The following EYS variants were observed in gnomAD, a reference collection of about 807,000 sequenced individuals.
EYS encodes the protein protein eyes shut homolog.
A neutral mutation model predicts 282.1 loss-of-function variants in EYS; 250 were observed. That is an observed-to-expected ratio of 0.89 (90% CI 0.80 to 0.98). The LOEUF is 0.98. Ranked by LOEUF, EYS falls within the 50% of genes least tolerant of loss-of-function variation. EYS has a pLI of 0.00. For missense variants in EYS, 4,016 were observed against 3,709.0 expected, an observed-to-expected ratio of 1.08 and a Z score of -2.15; for synonymous variants, 1,355 against 1,282.9, an observed-to-expected ratio of 1.06 and a Z score of -1.20.
chr6:65,309,218 G>A (rs931186000), intron 11 of EYS, among the ~76,000 whole-genome samples: 25 of 152,210 alleles, frequency 1.6e-4, no homozygotes, highest in East Asian at 3.9e-4. Flanking sequence ...ACAGTTTTGC[G>A]TGTAGGGAAA....
chr6:65,530,176 C>A (rs1399659423), intron 2 of EYS, among the ~76,000 whole-genome samples: 1 of 151,964 alleles, frequency 6.6e-6, no homozygotes, highest in African/African-American at 2.4e-5. Flanking sequence ...GTGAGCTTAC[C>A]ATTTGTCAGT....
At chr6:63,874,634 A>C (rs952665256) in intron 35 of EYS, among the ~76,000 whole-genome samples, 1 of 151,098 alleles carries the variant, frequency 6.6e-6, no homozygotes, top group East Asian at 2.0e-4. Context: ...ATGAGCATGG[A>C]ATGTTCTTCC....
At chr6:65,644,893 A>C (rs1212853076) in intron 1 of EYS, among the ~76,000 whole-genome samples, 1 of 152,198 alleles carries the variant, frequency 6.6e-6, no homozygotes, top group East Asian at 1.9e-4. Flanking sequence ...CCAAGCCAGC[A>C]CTACAAGAAC....
intron 1 of EYS, among the ~76,000 whole-genome samples, chr6:65,691,853 T>A (rs1263664274): frequency 6.6e-6 from 1 of 150,408 alleles, no homozygotes; most frequent in African/African-American, 2.4e-5. Context: ...TTTTCCCATT[T>A]CTTGTTTTTG....
intron 29 of EYS, among the ~76,000 whole-genome samples, chr6:64,370,060 T>C (rs1406743524): frequency 6.6e-6 from 1 of 151,968 alleles, no homozygotes; most frequent in African/African-American, 2.4e-5. Context: ...GGAATTCCAG[T>C]ACTACTGAAT....
At chr6:65,011,119 C>G (rs1191581442) in intron 13 of EYS, among the ~76,000 whole-genome samples, 2 of 152,322 alleles carry the variant, frequency 1.3e-5, no homozygotes, top group Non-Finnish European at 2.9e-5. Flanking sequence ...GTTTTCTCCC[C>G]TCAGGATGGC....
chr6:64,169,643 T>C (rs1764416893), intron 31 of EYS, among the ~76,000 whole-genome samples: 1 of 152,096 alleles, frequency 6.6e-6, no homozygotes, highest in Admixed American at 6.5e-5. Flanking sequence ...TTACTTCTCA[T>C]GGCAAAAGCC....
intron 12 of EYS, among the ~76,000 whole-genome samples, chr6:65,148,966 C>T (rs1245229332): frequency 1.3e-5 from 2 of 152,044 alleles, no homozygotes; most frequent in African/African-American, 2.4e-5. Flanking sequence ...GGAACCATGT[C>T]CTGAGGCTGC....
intron 22 of EYS, among the ~76,000 whole-genome samples, chr6:64,633,697 ACT>A (rs1767872732): frequency 6.6e-6 from 1 of 151,108 alleles, no homozygotes; most frequent in Admixed American, 6.6e-5. Context: ...GCTTCCTCCT[ACT>A]CTGTTTGGAT....
intron 12 of EYS, among the ~76,000 whole-genome samples, chr6:65,215,258 A>T (rs1766282928): frequency 6.6e-6 from 1 of 152,168 alleles, no homozygotes; most frequent in Admixed American, 6.5e-5. Flanking sequence ...TGTGTGGTTC[A>T]TGGGAGGAGG....
Position 64,663,459 on chromosome 6 carries a change from G to T in EYS, c.3444-37214C>A, listed in dbSNP as rs115941578. ...AAAAAATAATCCCCAAATCTCAGAG[G>T]CTAAAGTAACAAAAGCTTATTTCTT... On this transcript the variant is annotated intron_variant, in intron 22 of 42. Transcript: ENST00000503581. 6.1e-3 allele frequency among the ~76,000 whole-genome samples: 930 copies of T among 152,248 alleles called. 7 individuals carry two copies. The highest frequency in any genetic ancestry group is 0.011 in the Non-Finnish European group (737 of 68,016).
chr6:65,442,739 G>A (rs960815316), intron 5 of EYS, among the ~76,000 whole-genome samples: 12 of 151,036 alleles, frequency 7.9e-5, no homozygotes, highest in African/African-American at 2.7e-4. Flanking sequence ...GGGTGACAGA[G>A]CGAGACTCCA....
At chr6:64,447,216 C>T (rs1309126514) in intron 26 of EYS, among the ~76,000 whole-genome samples, 1 of 151,012 alleles carries the variant, frequency 6.6e-6, no homozygotes, top group African/African-American at 2.5e-5. Flanking sequence ...TGTGTTATTT[C>T]TCTAAAGAAG....
intron 2 of EYS, among the ~76,000 whole-genome samples, chr6:65,517,408 C>T (rs1387543727): frequency 6.6e-6 from 1 of 151,494 alleles, no homozygotes; most frequent in Non-Finnish European, 1.5e-5. Flanking sequence ...TCTTCTTACT[C>T]TACCTGAATT....
At chr6:64,304,898 T>A (rs1006149591) in intron 30 of EYS, among the ~76,000 whole-genome samples, 1 of 152,122 alleles carries the variant, frequency 6.6e-6, no homozygotes, top group Non-Finnish European at 1.5e-5. Flanking sequence ...TCATAGCCAT[T>A]AATGCTTGTG....
In EYS at chr6:64,757,335, C is replaced by A. The variant is rs531901870; in HGVS notation, c.3443+56043G>T. Among the ~76,000 whole-genome samples the A allele has an allele frequency of 5.3e-5, 8 of 152,260 alleles. No homozygotes were observed. In the East Asian group the frequency reaches 1.2e-3, roughly 22 times the overall value. On this transcript the variant is annotated intron_variant, in intron 22 of 42. Transcript: ENST00000503581. ...ACTGCTCCCACACGTCTTGTTCAGA[C>A]TTCTATTATAACTCTTAGTGCACTG...
At chr6:63,763,895 T>TATAG (rs936173851) in intron 40 of EYS, among the ~76,000 whole-genome samples, 1 of 145,798 alleles carries the variant, frequency 6.9e-6, no homozygotes, top group African/African-American at 2.5e-5. Flanking sequence ...TATATATATA[T>TATAG]ATATATTTGA....
chr6:64,631,416 A>T (rs1767777273), intron 22 of EYS: 1 of 152,158 alleles, frequency 6.6e-6, no homozygotes, highest in Non-Finnish European at 1.5e-5. Context: ...CTTTCCCATA[A>T]TCATTCTGCT....
intron 29 of EYS, among the ~76,000 whole-genome samples, chr6:64,338,138 G>T (rs956912266): frequency 6.6e-6 from 1 of 151,976 alleles, no homozygotes; most frequent in Non-Finnish European, 1.5e-5. Context: ...AGAGCAGTCA[G>T]ACAAGAGAAG....
Sources: gnomAD v4.1 joint callset for allele counts (sites outside exome capture counted in the v4.1 genomes callset) on GRCh38, gnomAD v4.1.1 for gene constraint, MANE v1.5 for transcripts, NCBI Gene and HGNC (gene_info 2026-07-23, HGNC 2026-07-21) for gene names.